TGM6: variants seen among roughly 807,000 people sequenced by gnomAD.
TGM6 encodes the protein protein-glutamine gamma-glutamyltransferase 6.
A neutral mutation model predicts 77.5 loss-of-function variants in TGM6; 74 were observed. That is an observed-to-expected ratio of 0.96 (90% CI 0.79 to 1.16). The LOEUF is 1.16. Among genes scored for constraint, TGM6 ranks in the 50% most tolerant of loss-of-function variants. The probability of loss-of-function intolerance (pLI) is 0.00; values close to 1 mark genes in which losing one functional copy is unlikely to be tolerated. For missense variants in TGM6, 968 were observed against 940.2 expected, an observed-to-expected ratio of 1.03 and a Z score of -0.39; for synonymous variants, 383 against 378.9, an observed-to-expected ratio of 1.01 and a Z score of -0.12.
At chr20:2,432,338 G>A (rs1051870533) in intron 12 of TGM6, 152 bp from the exon 13 acceptor site, 11 of 951,972 alleles carry the variant, frequency 1.2e-5, no homozygotes, top group East Asian at 5.2e-5. Flanking sequence ...GTGAGCCACC[G>A]CACCTGGCCT....
intron 9 of TGM6, among the ~76,000 whole-genome samples, chr20:2,406,316 C>T (rs2084750051): frequency 6.6e-6 from 1 of 151,814 alleles, no homozygotes; most frequent in Non-Finnish European, 1.5e-5. Flanking sequence ...CATGGCAAAA[C>T]CCCATCTCTA....
intron 4 of TGM6, among the ~76,000 whole-genome samples, chr20:2,397,361 G>A (rs1462494038): frequency 6.6e-6 from 1 of 152,180 alleles, no homozygotes; most frequent in Non-Finnish European, 1.5e-5. Context: ...GTCAGGCTGA[G>A]GAGTCACGCA....
chr20:2,414,986 A>G (rs1474551807), intron 9 of TGM6, among the ~76,000 whole-genome samples: 1 of 151,590 alleles, frequency 6.6e-6, no homozygotes, highest in Non-Finnish European at 1.5e-5. Flanking sequence ...GACGGGGTGC[A>G]CAATTCTGTG....
rs142645119 is a variant in TGM6, at chr20:2,393,779, G to A, written c.8-673G>A. ...TGAGCTTAGGCAATCCGCCCACCTC[G>A]GCCTCCCAAAGTGCTAGGATTCCAG... On this transcript the variant is annotated intron_variant, in intron 1 of 12. Transcript: ENST00000202625. Among the ~76,000 whole-genome samples the A allele has an allele frequency of 4.7e-3, 711 of 151,974 alleles. 5 individuals are homozygous for A. The highest frequency in any genetic ancestry group is 0.016 in the African/African-American group (677 of 41,452).
Position 2,380,976 on chromosome 20 carries a change from G to A in TGM6, c.7+1G>A. The A allele has an allele frequency of 6.2e-7, 1 of 1,608,762 alleles. No individual in the cohort carries two copies. On this transcript the variant is annotated splice_donor_variant, in intron 1 of 12. Transcript: ENST00000202625. LOFTEE classifies it high-confidence loss of function. ...AGTCCAGCTGGCCTTCACATGGCAG[G>A]TAAGTGGGCAGAGCCTGGGGCCTTG...
chr20:2,427,094 C>A (rs1284732859), intron 10 of TGM6, among the ~76,000 whole-genome samples: 2 of 151,596 alleles, frequency 1.3e-5, no homozygotes, highest in Non-Finnish European at 2.9e-5. Flanking sequence ...TTCTTAAATT[C>A]TTGGTATAAT....
intron 7 of TGM6, among the ~76,000 whole-genome samples, chr20:2,402,014 A>G (rs1161457137): frequency 6.6e-6 from 1 of 152,036 alleles, no homozygotes; most frequent in Non-Finnish European, 1.5e-5. Flanking sequence ...GAGGCTGGCA[A>G]ATCACTTGAG....
Position 2,396,641 on chromosome 20 carries a change from G to A in TGM6, c.543+17G>A. The A allele has an allele frequency of 6.2e-7, 1 of 1,612,886 alleles. No homozygotes were observed. On this transcript the variant is annotated intron_variant, in intron 4 of 12. Coordinates refer to ENST00000202625, the MANE Select transcript of TGM6 (RefSeq NM_198994.3). ...TACGGGCAGGTCTCCAGGGGCACAG[G>A]CCAGACAAGGATGTGGGCTGGGGCA...
chr20:2,418,002 T>A (rs1245122975), intron 10 of TGM6, among the ~76,000 whole-genome samples: 2 of 151,904 alleles, frequency 1.3e-5, no homozygotes, highest in Non-Finnish European at 2.9e-5. Context: ...AACAGATGGT[T>A]TTCTTTGTTT....
At chr20:2,384,585 C>T (rs1052604116) in intron 1 of TGM6, among the ~76,000 whole-genome samples, 1 of 152,116 alleles carries the variant, frequency 6.6e-6, no homozygotes, top group African/African-American at 2.4e-5. Flanking sequence ...CGTGAGGAAG[C>T]GGGTATGATC....
chr20:2,386,588 A>C (rs73569438), intron 1 of TGM6, among the ~76,000 whole-genome samples: 3,992 of 152,268 alleles, frequency 0.026, 166 homozygotes, highest in African/African-American at 0.091. Flanking sequence ...GCTACCTCTC[A>C]GAGGTATGGC....
chr20:2,382,927 A>G (rs928968630), intron 1 of TGM6, among the ~76,000 whole-genome samples: 1 of 152,182 alleles, frequency 6.6e-6, no homozygotes, highest in African/African-American at 2.4e-5. Flanking sequence ...TTTTGCCATG[A>G]TTAAATTACA....
At chr20:2,399,024 T>C (rs1385040778) in intron 5 of TGM6, among the ~76,000 whole-genome samples, 1 of 151,794 alleles carries the variant, frequency 6.6e-6, no homozygotes. Flanking sequence ...ACAGTGAAAG[T>C]CCTGAACTCA....
At chr20:2,394,717 A>C in intron 2 of TGM6, 92 bp downstream of exon 2, 3 of 1,401,794 alleles carry the variant, frequency 2.1e-6, no homozygotes, top group Non-Finnish European at 2.9e-6. Flanking sequence ...TCAGCAGCTC[A>C]GGCTCTGGGG....
intron 10 of TGM6, among the ~76,000 whole-genome samples, chr20:2,424,173 GCA>G (rs1463213044): frequency 6.6e-6 from 1 of 152,178 alleles, no homozygotes; most frequent in African/African-American, 2.4e-5. Context: ...GCTCCTTAAT[GCA>G]CAGAGTCAGC....
At chr20:2,382,869 A>C (rs1430019569) in intron 1 of TGM6, among the ~76,000 whole-genome samples, 4 of 152,152 alleles carry the variant, frequency 2.6e-5, no homozygotes, top group African/African-American at 9.7e-5. Flanking sequence ...TGCTCAACCC[A>C]GCTCTTTAAG....
Position 2,395,199 on chromosome 20 carries a change from C to T in TGM6, c.187C>T (p.Arg63Trp), listed in dbSNP as rs779155885. Residue 63 changes from arginine (R) to tryptophan (W), a missense_variant, in exon 3 of 13, where the codon CGG becomes TGG. Physicochemically the swap from Arg to Trp is moderately radical, Grantham distance 101 (BLOSUM62 -3). Coordinates refer to ENST00000202625, the MANE Select transcript of TGM6 (RefSeq NM_198994.3). ...TTCCCTCTCCTCTCCTCCAGGACCCCGGGCTTCTGAGGCCCTCCACACCAA... is the reference window on the plus strand; with the variant it reads ...TTCCCTCTCCTCTCCTCCAGGACCCTGGGCTTCTGAGGCCCTCCACACCAA... ...ILIFTMETGPRASEALHTKAV... is the reference protein window; with the variant it reads ...ILIFTMETGPWASEALHTKAV... The T allele has an allele frequency of 1.1e-4, 170 of 1,613,102 alleles. No individual in the cohort carries two copies. The highest frequency in any genetic ancestry group is 9.1e-4 in the East Asian group (41 of 44,892).
At chr20:2,381,114 C>G in intron 1 of TGM6, 139 bp downstream of exon 1, 13 of 1,301,068 alleles carry the variant, frequency 1.0e-5, no homozygotes, top group Middle Eastern at 1.9e-4. Flanking sequence ...CACATGAACT[C>G]TTCGTGTGGA....
chr20:2,414,937 G>GC (rs2084805221), intron 9 of TGM6, among the ~76,000 whole-genome samples: 2 of 140,796 alleles, frequency 1.4e-5, no homozygotes, highest in South Asian at 2.5e-4. Flanking sequence ...CAGAATTTGG[G>GC]GGGGGGGGTG....
Sources: gnomAD v4.1 joint callset for allele counts (sites outside exome capture counted in the v4.1 genomes callset) on GRCh38, gnomAD v4.1.1 for gene constraint, MANE v1.5 for transcripts, NCBI Gene and HGNC (gene_info 2026-07-23, HGNC 2026-07-21) for gene names.